CCDC158: variants seen among roughly 807,000 people sequenced by gnomAD.
The protein encoded by CCDC158 is coiled-coil domain containing 158, also known as coiled-coil domain-containing protein 158.
In CCDC158, 116 loss-of-function variants were observed where a neutral mutation model predicts 138.6. The ratio of observed to expected loss-of-function variants is 0.84; its 90% CI spans 0.72 to 0.98. The LOEUF (loss-of-function observed/expected upper bound fraction) is 0.98. Ranked by LOEUF, CCDC158 falls within the 50% of genes least tolerant of loss-of-function variation. The pLI, the probability that CCDC158 is intolerant of heterozygous loss-of-function variation, is 0.00. For synonymous variants in CCDC158, 436 were observed against 442.4 expected, an observed-to-expected ratio of 0.99 and a Z score of 0.18; for missense variants, 1,265 against 1,306.1, an observed-to-expected ratio of 0.97 and a Z score of 0.48.
chr4:76,397,207 T>G, intron 3 of CCDC158, among the ~76,000 whole-genome samples: 1 of 150,282 alleles, frequency 6.7e-6, no homozygotes, highest in East Asian at 1.9e-4. Context: ...TTTGCTTAAT[T>G]TTGGAAAAAA....
chr4:76,348,419 A>T (rs1560405726), intron 18 of CCDC158, among the ~76,000 whole-genome samples: 2 of 134,054 alleles, frequency 1.5e-5, no homozygotes, highest in Non-Finnish European at 1.6e-5. Flanking sequence ...TGGGCAACAG[A>T]GCAATACTCT....
At chr4:76,360,344 A>T (rs978546382) in intron 13 of CCDC158, among the ~76,000 whole-genome samples, 11 of 152,224 alleles carry the variant, frequency 7.2e-5, no homozygotes, top group African/African-American at 2.7e-4. Flanking sequence ...CCCCACACAG[A>T]GTCTGCACTG....
chr4:76,323,382 G>T lies in CCDC158; in HGVS notation c.3197C>A (p.Thr1066Lys), dbSNP rs1720221312. ...CTGAAGCTTCCTGCATGTTTTTCCT[G>T]TTGTTTCTATTGGCGGAGACTGTGA... ...KDSQSPPIET[T>K]GKTCRKLQNR... is the part of the protein sequence containing the mutation. The change falls in exon 24 of 25, where the codon ACA becomes AAA. Residue 1066 changes from threonine (T) to lysine (K), a missense_variant. Coordinates refer to ENST00000682701, the MANE Select transcript of CCDC158 (RefSeq NM_001394954.1). The T allele has an allele frequency of 6.2e-7, 1 of 1,611,492 alleles. No homozygotes were observed. The highest frequency in any genetic ancestry group is 1.1e-5 in the South Asian group (1 of 90,402).
intron 2 of CCDC158, among the ~76,000 whole-genome samples, chr4:76,406,330 T>C (rs1257273893): frequency 6.6e-6 from 1 of 152,108 alleles, no homozygotes; most frequent in East Asian, 1.9e-4. Context: ...GGATAAAGCA[T>C]AAATCCACAG....
At chr4:76,370,716 G>T (rs536032084) in intron 10 of CCDC158, among the ~76,000 whole-genome samples, 1 of 152,272 alleles carries the variant, frequency 6.6e-6, no homozygotes, top group Admixed American at 6.5e-5. Context: ...TTTCAAATTA[G>T]ATAGGAGAAC....
At chr4:76,396,893 T>C (rs940574967) in intron 3 of CCDC158, among the ~76,000 whole-genome samples, 1 of 152,152 alleles carries the variant, frequency 6.6e-6, no homozygotes, top group Non-Finnish European at 1.5e-5. Context: ...GATTCCCTTA[T>C]TGAACCCCGA....
chr4:76,387,261 C>A (rs554492465), intron 4 of CCDC158, among the ~76,000 whole-genome samples: 28 of 152,120 alleles, frequency 1.8e-4, no homozygotes, highest in Non-Finnish European at 3.7e-4. Context: ...GGGCAGTGGG[C>A]AGAGTCATGA....
chr4:76,408,590 T>G (rs1444044173), intron 2 of CCDC158, among the ~76,000 whole-genome samples: 5 of 152,238 alleles, frequency 3.3e-5, no homozygotes, highest in African/African-American at 1.2e-4. Flanking sequence ...CTATCATTGT[T>G]GGACATTTGG....
chr4:76,415,143 T>G (rs144061453), intron 1 of CCDC158, among the ~76,000 whole-genome samples: 2 of 152,198 alleles, frequency 1.3e-5, no homozygotes, highest in Non-Finnish European at 1.5e-5. Context: ...TCTTGCTATG[T>G]AAGAACTTTA....
rs373902924 is a variant in CCDC158, at chr4:76,358,533, C to T, written c.2021-1007G>A. 1.1e-4 allele frequency among the ~76,000 whole-genome samples: 16 copies of T among 152,272 alleles called. No homozygotes were observed. The South Asian group carries it at 3.3e-3, about 32-fold the overall frequency. On this transcript the variant is annotated intron_variant, in intron 13 of 24. Transcript: ENST00000682701. Reference sequence around the variant, plus strand: ...TCTGCCTTATTTCTTAGCCCTCATTCGTTTCACTTTTGCTCCAGCTAATAC... The same window carrying T: ...TCTGCCTTATTTCTTAGCCCTCATTTGTTTCACTTTTGCTCCAGCTAATAC...
chr4:76,374,428 C>T (rs1302095590), intron 9 of CCDC158, among the ~76,000 whole-genome samples: 4 of 152,188 alleles, frequency 2.6e-5, no homozygotes, highest in East Asian at 1.9e-4. Flanking sequence ...GAACATGATC[C>T]GAGGGGCAAT....
At chr4:76,378,412 A>C (rs1725915726) in intron 9 of CCDC158, among the ~76,000 whole-genome samples, 2 of 152,214 alleles carry the variant, frequency 1.3e-5, no homozygotes, top group Admixed American at 6.5e-5. Context: ...ACTACAAGTG[A>C]CAGAACTGTA....
At chr4:76,400,432 A>G (rs972582587) in intron 3 of CCDC158, among the ~76,000 whole-genome samples, 11 of 151,388 alleles carry the variant, frequency 7.3e-5, no homozygotes, top group Non-Finnish European at 1.3e-4. Context: ...GAGTGATAGC[A>G]TTAGGAGATA....
intron 18 of CCDC158, 141 bp from the exon 19 acceptor site, chr4:76,334,308 C>T: frequency 3.0e-6 from 2 of 669,666 alleles, no homozygotes; most frequent in Non-Finnish European, 4.9e-6. Context: ...AAGCTTATTA[C>T]ACAGAGATAA....
chr4:76,391,880 A>G (rs940885732), intron 4 of CCDC158, among the ~76,000 whole-genome samples: 1 of 152,008 alleles, frequency 6.6e-6, no homozygotes, highest in Non-Finnish European at 1.5e-5. Context: ...TGTGGCTACT[A>G]TGAGTGATTA....
intron 22 of CCDC158, among the ~76,000 whole-genome samples, chr4:76,327,008 A>G (rs537319185): frequency 6.6e-6 from 1 of 152,272 alleles, no homozygotes; most frequent in African/African-American, 2.4e-5. Flanking sequence ...TATAATTCAT[A>G]TTTTTAATTA....
intron 18 of CCDC158, among the ~76,000 whole-genome samples, chr4:76,342,223 A>G (rs145544696): frequency 6.6e-6 from 1 of 152,238 alleles, no homozygotes; most frequent in Non-Finnish European, 1.5e-5. Context: ...TATTTTTTGT[A>G]GAGACGAGGT....
At chr4:76,401,094 T>C (rs1560476203) in intron 3 of CCDC158, among the ~76,000 whole-genome samples, 5 of 151,980 alleles carry the variant, frequency 3.3e-5, no homozygotes. Flanking sequence ...ATCTAAGCCA[T>C]TTAAGTGTTT....
chr4:76,351,057 G>C lies in CCDC158; in HGVS notation c.2603C>G (p.Ser868Cys), dbSNP rs746706198. The C allele has an allele frequency of 9.3e-6, 15 of 1,613,858 alleles. No individual in the cohort carries two copies. In the African/African-American group the frequency reaches 1.9e-4, roughly 20 times the overall value. Residue 868 changes from serine to cysteine, a missense_variant, in exon 18 of 25, where the codon TCT (serine) becomes TGT (cysteine). Ser to Cys is a moderately radical substitution (Grantham distance 112). Transcript: ENST00000682701. ...TACATTAGAATGAGAACGAGTAACA[G>C]ATGCTGGCTGGAGAAGGCGTGGTTT... ...SLKPRLLQPASVTRSHSNVPS... is the reference protein window; with the variant it reads ...SLKPRLLQPACVTRSHSNVPS...
Sources: allele counts gnomAD v4.1 joint callset (sites outside exome capture counted in the v4.1 genomes callset), GRCh38; gene constraint gnomAD v4.1.1; transcripts MANE v1.5; gene names NCBI Gene and HGNC (gene_info 2026-07-23, HGNC 2026-07-21).